SHROOM3: variants seen among roughly 807,000 people sequenced by gnomAD.
SHROOM3 encodes shroom family member 3.
SHROOM3 carries 47 observed loss-of-function variants against 138.6 expected under a neutral mutation model. The ratio of observed to expected loss-of-function variants is 0.34; its 90% confidence interval spans 0.27 to 0.43. SHROOM3 has a LOEUF of 0.43. Ranked by LOEUF, SHROOM3 falls within the 20% of genes least tolerant of loss-of-function variation. The pLI, the probability that SHROOM3 is intolerant of heterozygous loss-of-function variation, is 1.00. For synonymous variants in SHROOM3, 1,062 were observed against 1,063.3 expected (o/e 1.00, Z 0.02); for missense variants, 2,491 against 2,596.5 (o/e 0.96, Z 0.88).
chr4:76,643,636 G>C (rs372672748), intron 2 of SHROOM3, among the ~76,000 whole-genome samples: 1 of 152,088 alleles, frequency 6.6e-6, no homozygotes, highest in South Asian at 2.1e-4. Context: ...AAGGTTATCA[G>C]TATATAGTAA....
At chr4:76,611,790 G>C (rs946231437) in intron 2 of SHROOM3, among the ~76,000 whole-genome samples, 1 of 152,170 alleles carries the variant, frequency 6.6e-6, no homozygotes, top group Admixed American at 6.6e-5. Flanking sequence ...GACTTGGGGA[G>C]ACTGCCCGTC....
chr4:76,598,026 C>CTTT (rs11307449), intron 2 of SHROOM3, among the ~76,000 whole-genome samples: 2 of 137,666 alleles, frequency 1.5e-5, no homozygotes, highest in Non-Finnish European at 1.6e-5. Flanking sequence ...AAATCTATGA[C>CTTT]TTTTTTTTTT....
chr4:76,728,088 A>G (rs1720763985), intron 3 of SHROOM3, among the ~76,000 whole-genome samples: 2 of 152,056 alleles, frequency 1.3e-5, no homozygotes, highest in Admixed American at 6.6e-5. Flanking sequence ...AGGTACAAGA[A>G]TCACTTGAAC....
Position 76,742,249 on chromosome 4 carries a change from GC to G in SHROOM3, c.3753+324del. ...TTAGGGATTATCTTTTTTGTTTTTT[GC>G]TTTTTTTTTTTTAATGGATTAGAGT... is the stretch of plus-strand genomic sequence containing the variant. On this transcript the variant is annotated intron_variant, in intron 5 of 10. Coordinates refer to ENST00000296043, the MANE Select transcript of SHROOM3 (RefSeq NM_020859.4). 3 of 341,642 alleles carry G rather than the reference GC, an allele frequency of 8.8e-6. No individual in the cohort carries two copies. In the South Asian group the frequency reaches 9.6e-5, roughly 11 times the overall value. 21.2% of individuals were successfully genotyped at this position (341,642 alleles called of 1,614,324 possible). A position where few individuals can be genotyped will look rare whatever the true frequency, so the allele number is the denominator to read the frequency against.
At chr4:76,620,091 A>AAAG (rs1553929396) in intron 2 of SHROOM3, among the ~76,000 whole-genome samples, 4,273 of 134,558 alleles carry the variant, frequency 0.032, 233 homozygotes, top group African/African-American at 0.099. Context: ...AAAAAAAAAA[A>AAAG]AAGAAGAAAA....
At chr4:76,512,506 C>T (rs1026810198) in intron 1 of SHROOM3, among the ~76,000 whole-genome samples, 1 of 152,192 alleles carries the variant, frequency 6.6e-6, no homozygotes, top group Non-Finnish European at 1.5e-5. Context: ...TGGGCTTCTT[C>T]ACTTCCGCAG....
chr4:76,436,547 G>A (rs1730568510), intron 1 of SHROOM3, among the ~76,000 whole-genome samples: 1 of 152,182 alleles, frequency 6.6e-6, no homozygotes, highest in Non-Finnish European at 1.5e-5. Flanking sequence ...TAAGATGGTG[G>A]CATGGTATAT....
chr4:76,615,424 C>G (rs1229103372), intron 2 of SHROOM3, among the ~76,000 whole-genome samples: 2 of 152,140 alleles, frequency 1.3e-5, no homozygotes, highest in Non-Finnish European at 2.9e-5. Context: ...CAACTGATGC[C>G]GAAACGTGGT....
intron 1 of SHROOM3, among the ~76,000 whole-genome samples, chr4:76,506,891 T>A (rs369605664): frequency 1.3e-5 from 2 of 152,188 alleles, no homozygotes; most frequent in South Asian, 4.1e-4. Context: ...CCTCCATACT[T>A]CCTTTCCCCC....
intron 2 of SHROOM3, among the ~76,000 whole-genome samples, chr4:76,573,862 A>G (rs1366712815): frequency 6.6e-6 from 1 of 151,778 alleles, no homozygotes; most frequent in African/African-American, 2.4e-5. Context: ...TCACCCCACC[A>G]TAGTTGCCTC....
chr4:76,660,499 G>A (rs1372707358), intron 2 of SHROOM3, among the ~76,000 whole-genome samples: 1 of 151,900 alleles, frequency 6.6e-6, no homozygotes, highest in Admixed American at 6.6e-5. Context: ...TTTTTAAGAT[G>A]GAGTCTTGCT....
chr4:76,642,432 C>G (rs896327840), intron 2 of SHROOM3, among the ~76,000 whole-genome samples: 2 of 152,144 alleles, frequency 1.3e-5, no homozygotes, highest in Non-Finnish European at 2.9e-5. Flanking sequence ...TGGTTGACAG[C>G]TTTCTTGAAT....
intron 2 of SHROOM3, among the ~76,000 whole-genome samples, chr4:76,591,615 C>T (rs1416125577): frequency 7.5e-6 from 1 of 133,340 alleles, no homozygotes; most frequent in Non-Finnish European, 1.7e-5. Context: ...AGATGTAATA[C>T]ATTGCCCTTA....
chr4:76,649,430 G>A (rs142380492), intron 2 of SHROOM3, among the ~76,000 whole-genome samples: 56 of 152,246 alleles, frequency 3.7e-4, no homozygotes, highest in Middle Eastern at 3.4e-3. Context: ...AAAGCAAAAT[G>A]ATTTTTAATG....
chr4:76,614,107 G>A (rs546844394), intron 2 of SHROOM3, among the ~76,000 whole-genome samples: 1 of 152,246 alleles, frequency 6.6e-6, no homozygotes, highest in Admixed American at 6.5e-5. Flanking sequence ...CTGGAGTGCA[G>A]TGCAGTGGCG....
chr4:76,580,932 ATTC>A (rs1298410111), intron 2 of SHROOM3, among the ~76,000 whole-genome samples: 11 of 151,908 alleles, frequency 7.2e-5, no homozygotes, highest in Non-Finnish European at 1.5e-4. Flanking sequence ...TTTCCACCTT[ATTC>A]TTTTTTTTTA....
intron 2 of SHROOM3, among the ~76,000 whole-genome samples, chr4:76,640,679 G>C (rs753333617): frequency 9.8e-5 from 15 of 152,304 alleles, no homozygotes; most frequent in Admixed American, 3.9e-4. Context: ...CTCTGAGCTG[G>C]TTGGCATCAT....
chr4:76,606,840 G>C (rs1218840263), intron 2 of SHROOM3, among the ~76,000 whole-genome samples: 4 of 152,152 alleles, frequency 2.6e-5, no homozygotes, highest in Non-Finnish European at 1.5e-5. Flanking sequence ...GTACTGGGTA[G>C]CTGGCAGGAG....
intron 9 of SHROOM3, among the ~76,000 whole-genome samples, chr4:76,769,028 T>G (rs1578033834): frequency 6.6e-6 from 1 of 152,210 alleles, no homozygotes; most frequent in Non-Finnish European, 1.5e-5. Context: ...TAATGGACCT[T>G]CTCTGGTGCT....
Sources: allele counts gnomAD v4.1 joint callset (sites outside exome capture counted in the v4.1 genomes callset), GRCh38; gene constraint gnomAD v4.1.1; transcripts MANE v1.5; gene names NCBI Gene and HGNC (gene_info 2026-07-23, HGNC 2026-07-21).